SCAP: variants seen among roughly 807,000 people sequenced by gnomAD.
SCAP encodes the protein SREBF chaperone.
In SCAP, 65 loss-of-function variants were observed where a neutral mutation model predicts 123.6. The ratio of observed to expected loss-of-function variants is 0.53; its 90% CI spans 0.43 to 0.65. SCAP has a LOEUF of 0.65. Among genes scored for constraint, SCAP ranks in the 30% least tolerant of loss-of-function variants. The probability of loss-of-function intolerance (pLI) is 0.00; values close to 1 mark genes in which losing one functional copy is unlikely to be tolerated. For missense variants in SCAP, 1,398 were observed against 1,712.5 expected (o/e 0.82, Z 3.24); for synonymous variants, 740 against 726.3 (o/e 1.02, Z -0.30).
intron 16 of SCAP, 95 bp downstream of exon 16, chr3:47,418,039 C>A (rs556132448): frequency 3.5e-6 from 3 of 865,114 alleles, no homozygotes; most frequent in Non-Finnish European, 5.3e-6. Context: ...TTGGGGGATA[C>A]CTCGGAGGAA....
intron 13 of SCAP, 128 bp from the exon 14 acceptor site, chr3:47,418,971 G>A: frequency 9.6e-7 from 1 of 1,042,786 alleles, no homozygotes; most frequent in Middle Eastern, 3.0e-4. Flanking sequence ...CTCCCAGCAT[G>A]GGGGGTTGGG....
intron 2 of SCAP, among the ~76,000 whole-genome samples, chr3:47,436,099 CA>C (rs1008642222): frequency 6.0e-5 from 9 of 150,438 alleles, no homozygotes; most frequent in East Asian, 2.0e-4. Context: ...TAAAAACAAA[CA>C]AAAAAAAATC....
At chr3:47,423,158 C>T (rs892787584) in intron 9 of SCAP, among the ~76,000 whole-genome samples, 1 of 152,214 alleles carries the variant, frequency 6.6e-6, no homozygotes, top group Non-Finnish European at 1.5e-5. Flanking sequence ...CTGCCTACAG[C>T]CCCATTCCTC....
intron 1 of SCAP, among the ~76,000 whole-genome samples, chr3:47,463,893 A>T (rs922603450): frequency 5.9e-5 from 9 of 151,804 alleles, no homozygotes; most frequent in African/African-American, 1.9e-4. Flanking sequence ...GGCTGGATAC[A>T]GTTGTACAAT....
upstream of SCAP, among the ~76,000 whole-genome samples, chr3:47,476,269 C>T (rs1317334340): frequency 9.2e-5 from 14 of 152,302 alleles, no homozygotes; most frequent in East Asian, 1.9e-3. Context: ...TAGAGACCAA[C>T]TTGGGCAACG....
intron 4 of SCAP, 77 bp from the exon 5 acceptor site, chr3:47,427,744 C>CT (rs1706201091): frequency 1.6e-6 from 2 of 1,277,214 alleles, no homozygotes; most frequent in South Asian, 1.4e-5. Context: ...GGGACATCCT[C>CT]TGTCTGTTCT....
At position 47,426,153 on chromosome 3, in the gene SCAP, G is replaced by A. The variant is rs754889807; in HGVS notation, c.754C>T (p.Arg252Cys). ...GGGTGCAGAAGCATCAGGCGGGCAC[G>A]CAGGCTGCCCAGGAACCTGGTCAAG... is the stretch of plus-strand genomic sequence containing the variant. ...HYHAKFLGSL[R>C]ARLMLLHPSP... Residue 252 changes from arginine to cysteine, a missense_variant, in exon 7 of 23, where the codon CGT (arginine) becomes TGT (cysteine). By Grantham distance (180) the Arg-to-Cys change is radical. Coordinates refer to ENST00000265565, the MANE Select transcript of SCAP (RefSeq NM_012235.4). 6.2e-7 allele frequency: 1 copy of A among 1,613,144 alleles called. No individual in the cohort carries two copies. The highest frequency in any genetic ancestry group is 8.5e-7 in the Non-Finnish European group (1 of 1,179,692).
intron 1 of SCAP, among the ~76,000 whole-genome samples, chr3:47,454,274 G>A (rs1397542911): frequency 6.6e-6 from 1 of 151,972 alleles, no homozygotes. Flanking sequence ...GGCTGAGGCA[G>A]GAGAATGGTG....
intron 14 of SCAP, 29 bp downstream of exon 14, chr3:47,418,626 T>TTA: frequency 7.5e-6 from 11 of 1,459,462 alleles, no homozygotes; most frequent in South Asian, 1.2e-5. Context: ...CCGCACTCTT[T>TTA]CCCACCCCAC....
chr3:47,425,736 G>A (rs1418971715), intron 7 of SCAP, 125 bp from the exon 8 acceptor site: 1 of 1,096,226 alleles, frequency 9.1e-7, no homozygotes. Context: ...AAAGGAAAGG[G>A]ACAGGCACAA....
Position 47,417,201 on chromosome 3 carries a change from C to T in SCAP, c.2977G>A (p.Asp993Asn). 6.2e-7 allele frequency: 1 copy of T among 1,613,022 alleles called. No individual in the cohort carries two copies. The highest frequency in any genetic ancestry group is 1.1e-5 in the South Asian group (1 of 91,090). ...GRSSGRLEVW[D>N]AIEGVLCCSS... is the part of the protein sequence containing the mutation. Reference sequence around the variant, plus strand: ...CAGCACAGCACCCCTTCAATGGCGTCCCACACCTACGAGTCCAGAGGCTGT... The same window carrying T: ...CAGCACAGCACCCCTTCAATGGCGTTCCACACCTACGAGTCCAGAGGCTGT... The change falls in exon 18 of 23, where the codon GAC becomes AAC. Residue 993 changes from aspartate to asparagine, a missense_variant. Physicochemically the swap from Asp to Asn is conservative, Grantham distance 23. Coordinates refer to ENST00000265565, the MANE Select transcript of SCAP (RefSeq NM_012235.4).
Position 47,435,127 on chromosome 3 carries a change from G to A in SCAP, c.133C>T (p.Leu45=), listed in dbSNP as rs142327684. The stretch of plus-strand genomic sequence containing the variant: ...CCTGTTCCTGGCAAGGGGAGTTTCA[G>A]CAGTGGGTAGCTGGGATGTACAAAA... ...FCILACCYPL[L]KLPLPGTGPV... is the part of the protein sequence containing the mutation. The change falls in exon 3 of 23, where the codon CTG becomes TTG. Residue 45 remains leucine (L), a synonymous_variant. Coordinates refer to ENST00000265565, the MANE Select transcript of SCAP (RefSeq NM_012235.4). 1 of 1,613,588 alleles carries A rather than the reference G, an allele frequency of 6.2e-7. No homozygotes were observed. The highest frequency in any genetic ancestry group is 8.5e-7 in the Non-Finnish European group (1 of 1,179,742).
intron 4 of SCAP, among the ~76,000 whole-genome samples, chr3:47,428,133 G>A (rs1484137250): frequency 2.6e-5 from 4 of 152,176 alleles, no homozygotes; most frequent in Non-Finnish European, 5.9e-5. Flanking sequence ...AGGGGAGCAC[G>A]ACTTGGGCTG....
At chr3:47,452,797 G>A (rs916235264) in intron 1 of SCAP, among the ~76,000 whole-genome samples, 3 of 151,992 alleles carry the variant, frequency 2.0e-5, no homozygotes, top group Admixed American at 1.3e-4. Flanking sequence ...TAAACTGGAC[G>A]AGCAGGGCAG....
intron 1 of SCAP, chr3:47,475,515 G>T (rs910847257): frequency 1.3e-5 from 2 of 152,304 alleles, no homozygotes; most frequent in East Asian, 3.9e-4. Flanking sequence ...ATGCGACGCC[G>T]CGCATCTCCC....
chr3:47,419,308 C>T lies in SCAP; in HGVS notation c.1940+20G>A, dbSNP rs775929741. ...GTTGACACCATCGAGTGAGGTGGCA[C>T]CTGGCACGGCCCAGCTCACCTCTTG... On this transcript the variant is annotated intron_variant, in intron 13 of 22. Coordinates refer to ENST00000265565, the MANE Select transcript of SCAP (RefSeq NM_012235.4). The surrounding 1 kb of genome is among the most constrained non-coding windows in gnomAD (Gnocchi z 5.0). 7 of 1,588,482 alleles carry T rather than the reference C, an allele frequency of 4.4e-6. No homozygotes were observed. In the Admixed American group the frequency reaches 5.1e-5, roughly 12 times the overall value.
In SCAP at chr3:47,419,885, T is replaced by G. The variant is rs1056672556; in HGVS notation, c.1564-181A>C. Among the ~76,000 whole-genome samples the G allele has an allele frequency of 6.6e-6, 1 of 152,192 alleles. No homozygotes were observed. Among genetic ancestry groups the G allele is most frequent in the Non-Finnish European group, 1.5e-5 (1 of 68,030 alleles). On this transcript the variant is annotated intron_variant, in intron 12 of 22. Transcript: ENST00000265565. The surrounding 1 kb of genome is among the most constrained non-coding windows in gnomAD (Gnocchi z 5.0). ...TCCTCCTGCTAACACCTGCCAACAC[T>G]TGCTGCTGGAGGGGCCTGCTTGCCT...
intron 6 of SCAP, 142 bp downstream of exon 6, chr3:47,427,015 G>A (rs1706162626): frequency 1.5e-6 from 1 of 674,206 alleles, no homozygotes; most frequent in East Asian, 2.5e-5. Flanking sequence ...TAGTCTGAGG[G>A]ATGTAAACAT....
chr3:47,428,407 C>T, intron 4 of SCAP, 106 bp downstream of exon 4: 1 of 1,195,596 alleles, frequency 8.4e-7, no homozygotes, highest in Non-Finnish European at 1.2e-6. Flanking sequence ...CTTGCTTGTT[C>T]TATCTCTGCA....
Sources: allele counts gnomAD v4.1 joint callset (sites outside exome capture counted in the v4.1 genomes callset), GRCh38; gene constraint gnomAD v4.1.1; non-coding constraint Gnocchi (gnomAD v3.1); transcripts MANE v1.5; gene names NCBI Gene and HGNC (gene_info 2026-07-23, HGNC 2026-07-21).